SDK1: variants seen among roughly 807,000 people sequenced by gnomAD.
SDK1 encodes the protein protein sidekick-1.
SDK1 carries 157 observed loss-of-function variants against 245.5 expected under a neutral mutation model. The observed-to-expected ratio is 0.64, with a 90% CI of 0.56 to 0.73. The LOEUF is 0.73. SDK1 is among the 30% of genes least tolerant of loss of function. The pLI is 0.00. For missense variants in SDK1, 3,583 were observed against 3,002.3 expected, an observed-to-expected ratio of 1.19 and a Z score of -4.52; for synonymous variants, 1,647 against 1,278.5, an observed-to-expected ratio of 1.29 and a Z score of -6.15.
chr7:3,833,260 G>A (rs554946714), intron 5 of SDK1, among the ~76,000 whole-genome samples: 7 of 152,154 alleles, frequency 4.6e-5, no homozygotes, highest in East Asian at 1.9e-4. Context: ...GCGAGCATCC[G>A]GCTGGCCCCG....
Position 3,418,143 on chromosome 7 carries a change from AT to A in SDK1, c.298+116260del, listed in dbSNP as rs1317035665. Among the ~76,000 whole-genome samples, 580 of 90,548 alleles carry A rather than the reference AT, an allele frequency of 6.4e-3. 27 individuals carry two copies. Among genetic ancestry groups the A allele is most frequent in the African/African-American group, 0.018 (499 of 27,214 alleles). 59.4% of individuals were successfully genotyped at this position (90,548 alleles called of 152,430 possible). A position where few individuals can be genotyped will look rare whatever the true frequency, so the allele number is the denominator to read the frequency against. ...AGGTGAAACCCGATCTCTACTAAAA[AT>A]GAAAAAAAAAAAAAAAAAAAAAAAT... On this transcript the variant is annotated intron_variant, in intron 1 of 44. Transcript: ENST00000404826.
At chr7:3,372,055 C>T (rs973063482) in intron 1 of SDK1, among the ~76,000 whole-genome samples, 2 of 152,194 alleles carry the variant, frequency 1.3e-5, no homozygotes, top group South Asian at 2.1e-4. Flanking sequence ...TGTTAACATA[C>T]AGTTTACAGG....
At chr7:3,674,764 C>T (rs188262637) in intron 4 of SDK1, among the ~76,000 whole-genome samples, 1 of 152,240 alleles carries the variant, frequency 6.6e-6, no homozygotes, top group East Asian at 1.9e-4. Context: ...CAGTGTATTC[C>T]AGGTGACCAA....
intron 5 of SDK1, among the ~76,000 whole-genome samples, chr7:3,905,415 C>G (rs1199088404): frequency 6.6e-6 from 1 of 152,154 alleles, no homozygotes; most frequent in African/African-American, 2.4e-5. Context: ...AATCCTTTGA[C>G]ACTTTTGTTA....
chr7:3,842,916 G>A (rs1780194113), intron 5 of SDK1, among the ~76,000 whole-genome samples: 1 of 152,226 alleles, frequency 6.6e-6, no homozygotes, highest in South Asian at 2.1e-4. Context: ...GGTCTCTTTA[G>A]GAAAGGATTC....
intron 1 of SDK1, among the ~76,000 whole-genome samples, chr7:3,598,318 T>G (rs1410589514): frequency 6.6e-6 from 1 of 152,242 alleles, no homozygotes; most frequent in Non-Finnish European, 1.5e-5. Flanking sequence ...AAGATATGCA[T>G]TATCAGAATA....
intron 1 of SDK1, among the ~76,000 whole-genome samples, chr7:3,530,329 C>A (rs1783300080): frequency 2.0e-5 from 3 of 152,068 alleles, no homozygotes; most frequent in South Asian, 2.1e-4. Flanking sequence ...TCCTCCCACC[C>A]CCCGCATAAA....
At chr7:3,381,735 G>C (rs1781492159) in intron 1 of SDK1, among the ~76,000 whole-genome samples, 1 of 152,148 alleles carries the variant, frequency 6.6e-6, no homozygotes, top group African/African-American at 2.4e-5. Context: ...TTCCCTAAAA[G>C]AAGGCAGGAA....
intron 1 of SDK1, among the ~76,000 whole-genome samples, chr7:3,412,698 C>T (rs892027999): frequency 3.3e-5 from 5 of 152,166 alleles, no homozygotes; most frequent in Non-Finnish European, 7.3e-5. Context: ...AGGTGGCCTT[C>T]TCCATAGGTT....
At chr7:4,220,820 G>A (rs1785109175) in intron 39 of SDK1, among the ~76,000 whole-genome samples, 1 of 151,958 alleles carries the variant, frequency 6.6e-6, no homozygotes, top group African/African-American at 2.4e-5. Context: ...CACCCAAGCT[G>A]GAGTGCAGCA....
chr7:4,108,356 T>C (rs1227035724), intron 22 of SDK1, among the ~76,000 whole-genome samples: 1 of 152,120 alleles, frequency 6.6e-6, no homozygotes, highest in African/African-American at 2.4e-5. Context: ...TAACTCTTGT[T>C]TTCTGTGTCT....
At chr7:3,680,650 T>G (rs1784072398) in intron 4 of SDK1, among the ~76,000 whole-genome samples, 1 of 152,130 alleles carries the variant, frequency 6.6e-6, no homozygotes. Context: ...ATCTAGTGAT[T>G]TTAAAATACA....
chr7:4,261,807 C>G (rs939509696), intron 44 of SDK1, among the ~76,000 whole-genome samples: 1 of 151,958 alleles, frequency 6.6e-6, no homozygotes, highest in Non-Finnish European at 1.5e-5. Flanking sequence ...GACGGGGGCC[C>G]TGGGAAGCGT....
intron 5 of SDK1, among the ~76,000 whole-genome samples, chr7:3,885,547 G>A (rs184781201): frequency 4.6e-4 from 70 of 152,292 alleles, no homozygotes; most frequent in African/African-American, 1.6e-3. Flanking sequence ...TAGCACCTCA[G>A]GCCTGTACCA....
At chr7:3,526,188 G>T (rs1264860061) in intron 1 of SDK1, among the ~76,000 whole-genome samples, 1 of 151,800 alleles carries the variant, frequency 6.6e-6, no homozygotes, top group Admixed American at 6.6e-5. Context: ...AGCCGAGATC[G>T]CATCACTGAA....
intron 22 of SDK1, among the ~76,000 whole-genome samples, chr7:4,104,314 G>C (rs1205114630): frequency 2.0e-5 from 3 of 152,156 alleles, no homozygotes; most frequent in African/African-American, 7.2e-5. Context: ...TCCCGCTTTG[G>C]CCTCCTACAG....
In SDK1 at chr7:3,625,435, C is replaced by A. The variant is rs575430591; in HGVS notation, c.458+6196C>A. Among the ~76,000 whole-genome samples, 20 of 152,292 alleles carry A rather than the reference C, an allele frequency of 1.3e-4. No individual in the cohort carries two copies. In the East Asian group the frequency reaches 3.9e-3, roughly 29 times the overall value. On this transcript the variant is annotated intron_variant, in intron 2 of 44. Transcript: ENST00000404826. Reference sequence around the variant, plus strand: ...CTAATAACTTGGGATCTCCTGATGACAGTGGTGGAGACAAAGCTTGGCTCT... The same window carrying A: ...CTAATAACTTGGGATCTCCTGATGAAAGTGGTGGAGACAAAGCTTGGCTCT...
At chr7:3,565,753 C>G (rs747045056) in intron 1 of SDK1, among the ~76,000 whole-genome samples, 3 of 152,102 alleles carry the variant, frequency 2.0e-5, no homozygotes, top group Non-Finnish European at 2.9e-5. Context: ...ACTTATACAA[C>G]TTGATATAAT....
chr7:3,545,257 G>C (rs1193318883), intron 1 of SDK1, among the ~76,000 whole-genome samples: 4 of 152,176 alleles, frequency 2.6e-5, no homozygotes, highest in Non-Finnish European at 5.9e-5. Context: ...AGAAAGTAGA[G>C]AAGAGTCATG....
Sources: allele counts gnomAD v4.1 joint callset (sites outside exome capture counted in the v4.1 genomes callset), GRCh38; gene constraint gnomAD v4.1.1; transcripts MANE v1.5; gene names NCBI Gene and HGNC (gene_info 2026-07-23, HGNC 2026-07-21).